The following FADS2 variants were observed in gnomAD, a reference collection of about 807,000 sequenced individuals.
The protein encoded by FADS2 is fatty acid desaturase 2.
FADS2 carries 18 observed loss-of-function variants against 61.2 expected under a neutral mutation model. The observed-to-expected ratio is 0.29, with a 90% confidence interval of 0.20 to 0.44. The LOEUF (loss-of-function observed/expected upper bound fraction) is 0.44, where lower values mean the gene tolerates loss of function less well. Among genes scored for constraint, FADS2 ranks in the 20% least tolerant of loss-of-function variants. The pLI is 1.00. For synonymous variants in FADS2, 203 were observed against 223.9 expected (o/e 0.91, Z 0.83); for missense variants, 322 against 572.7 (o/e 0.56, Z 4.47).
intron 1 of FADS2, among the ~76,000 whole-genome samples, chr11:61,830,470 G>A (rs1454075934): frequency 1.3e-5 from 2 of 152,162 alleles, no homozygotes; most frequent in African/African-American, 4.8e-5. Context: ...CCAAAAATCA[G>A]TGCTCACATC....
At chr11:61,823,394 C>T (rs2067048096), upstream of FADS2, among the ~76,000 whole-genome samples, 1 of 152,204 alleles carries the variant, frequency 6.6e-6, no homozygotes, top group Non-Finnish European at 1.5e-5. Context: ...TTTCGGATCC[C>T]TTATCTGTAA....
rs781372246 is a variant in FADS2 at position 61,865,179 on chromosome 11, C to T, written c.1185C>T (p.Asn395=). The stretch of plus-strand genomic sequence containing the variant: ...TCTTCCCCACCATGCCCCGGCACAA[C>T]TTACACAAGATCGCCCCGCTGGTGA... The part of the protein sequence containing the change: ...HHLFPTMPRH[N]LHKIAPLVKS... The change falls in exon 11 of 12, where the codon AAC becomes AAT. Residue 395 remains asparagine, a synonymous_variant. Coordinates refer to ENST00000278840, the MANE Select transcript of FADS2 (RefSeq NM_004265.4). The surrounding 1 kb of genome is among the most constrained non-coding windows in gnomAD (Gnocchi z 4.1). The T allele has an allele frequency of 1.9e-6, 3 of 1,613,840 alleles. No individual in the cohort carries two copies. The East Asian group carries it at 6.7e-5, about 36-fold the overall frequency.
chr11:61,861,546 A>C, intron 7 of FADS2, among the ~76,000 whole-genome samples: 1 of 151,740 alleles, frequency 6.6e-6, no homozygotes, highest in East Asian at 1.9e-4. Flanking sequence ...TACACTGCAC[A>C]CTATTGCACC....
chr11:61,845,359 G>A (rs1283305424), intron 4 of FADS2, among the ~76,000 whole-genome samples: 4 of 152,144 alleles, frequency 2.6e-5, no homozygotes, highest in Admixed American at 1.3e-4. Flanking sequence ...GGCAGAGCAC[G>A]GCAGCTGGCT....
intron 10 of FADS2, 160 bp downstream of exon 10, chr11:61,863,946 C>T: frequency 3.2e-6 from 2 of 630,836 alleles, no homozygotes; most frequent in South Asian, 3.8e-5. Flanking sequence ...CCGCTGAGGT[C>T]AGGAGAGGGG....
Position 61,828,568 on chromosome 11 carries a change from A to C in FADS2, c.178A>C (p.Ile60Leu). ...SIQHPGGQRV[I>L]GHYAGEDATD... is the part of the protein sequence containing the mutation. ...CCAGCACCCGGGGGGCCAGCGGGTC[A>C]TCGGGCACTACGCTGGAGAAGATGC... is the stretch of plus-strand genomic sequence containing the variant. The change falls in exon 1 of 12, where the codon ATC becomes CTC. Residue 60 changes from isoleucine to leucine, a missense_variant. Around this residue, in one of 3 missense-constraint regions of FADS2, gnomAD observed 61 missense variants for 107.4 expected, o/e 0.57. Transcript: ENST00000278840. This position sits in a 1 kb window ranked among gnomAD's most constrained non-coding sequence, Gnocchi z 6.4. 1 of 1,613,950 alleles carries C rather than the reference A, an allele frequency of 6.2e-7. No homozygotes were observed. Among genetic ancestry groups the C allele is most frequent in the Non-Finnish European group, 8.5e-7 (1 of 1,179,962 alleles).
intron 1 of FADS2, among the ~76,000 whole-genome samples, chr11:61,834,478 C>A (rs564025820): frequency 6.6e-6 from 1 of 152,238 alleles, no homozygotes; most frequent in South Asian, 2.1e-4. Flanking sequence ...ATGCCCATTA[C>A]CCCTGGGCTC....
intron 10 of FADS2, 76 bp downstream of exon 10, chr11:61,863,862 C>A: frequency 1.7e-6 from 2 of 1,169,402 alleles, no homozygotes; most frequent in Non-Finnish European, 2.6e-6. Context: ...GGGCAGAATG[C>A]AGAATGTGGG....
intron 7 of FADS2, among the ~76,000 whole-genome samples, chr11:61,860,474 C>A (rs1428100854): frequency 2.0e-5 from 3 of 152,266 alleles, no homozygotes; most frequent in South Asian, 2.1e-4. Flanking sequence ...TGGCCACTCC[C>A]TCTTGCAGTT....
At chr11:61,862,669 C>T (rs766494593) in intron 7 of FADS2, 90 of 389,856 alleles carry the variant, frequency 2.3e-4, no homozygotes, top group African/African-American at 7.0e-4. Flanking sequence ...CCTTGCCCCA[C>T]GAGAGGGCTG....
chr11:61,821,083 T>C (rs1050137084), intron 1 of FADS2, among the ~76,000 whole-genome samples: 2 of 152,198 alleles, frequency 1.3e-5, no homozygotes, highest in Admixed American at 6.5e-5. Context: ...AAAGGAAACC[T>C]TTGCCTTGCA....
intron 1 of FADS2, among the ~76,000 whole-genome samples, chr11:61,830,102 C>T (rs538692293): frequency 9.1e-4 from 139 of 152,318 alleles, no homozygotes; most frequent in African/African-American, 3.2e-3. Flanking sequence ...TGGACCTTTA[C>T]GCGGCCCAGT....
At chr11:61,823,708 G>C (rs2067049549), upstream of FADS2, among the ~76,000 whole-genome samples, 1 of 152,020 alleles carries the variant, frequency 6.6e-6, no homozygotes, top group African/African-American at 2.4e-5. Flanking sequence ...GTACAGACAG[G>C]GTCTCACTGT....
At chr11:61,836,829 C>T (rs144712694) in intron 1 of FADS2, among the ~76,000 whole-genome samples, 187 of 152,278 alleles carry the variant, frequency 1.2e-3, no homozygotes, top group African/African-American at 4.1e-3. Flanking sequence ...CTACCAATGT[C>T]TGGAAGCTTG....
chr11:61,816,416 C>T lies in FADS2; in HGVS notation c.131C>T (p.Thr44Ile), dbSNP rs746557494. Residue 44 changes from threonine (T) to isoleucine (I), a missense_variant, in exon 1 of 12, where the codon ACC becomes ATC. By Grantham distance (89) the Thr-to-Ile change is moderately conservative. Transcript: ENST00000257261. This position sits in a 1 kb window ranked among gnomAD's most constrained non-coding sequence, Gnocchi z 7.0. ...CCCGCATCCGCAGGACACCCAATCA[C>T]CGGGCAACAGGTATGATCAGGCGCC... is the stretch of plus-strand genomic sequence containing the variant. 6.8e-5 allele frequency: 109 copies of T among 1,598,630 alleles called. 1 individual carries two copies. The highest frequency in any genetic ancestry group is 8.5e-5 in the Non-Finnish European group (100 of 1,179,816).
At chr11:61,857,665 TG>T in intron 7 of FADS2, 135 bp downstream of exon 7, 2 of 703,540 alleles carry the variant, frequency 2.8e-6, no homozygotes, top group South Asian at 3.0e-5. Flanking sequence ...CTGGGGTAGC[TG>T]CCTCTCAGGA....
upstream of FADS2, chr11:61,826,551 G>A (rs770634383): frequency 4.8e-5 from 29 of 602,134 alleles, no homozygotes; most frequent in African/African-American, 3.7e-4. Flanking sequence ...TTCCATTTCC[G>A]TCAACGTTTG....
rs1591179331 is a variant in FADS2 at position 61,857,476 on chromosome 11, C to T, written c.828C>T (p.Pro276=). The T allele has an allele frequency of 6.2e-7, 1 of 1,614,066 alleles. No individual in the cohort carries two copies. Among genetic ancestry groups the T allele is most frequent in the Non-Finnish European group, 8.5e-7 (1 of 1,179,978 alleles). ...CAGTTGGGCCGCCGCTGCTCATCCCCATGTATTTCCAGTACCAGATCATCA... is the reference window on the plus strand; with the variant it reads ...CAGTTGGGCCGCCGCTGCTCATCCCTATGTATTTCCAGTACCAGATCATCA... ...FFLIGPPLLI[P]MYFQYQIIMT... The change falls in exon 7 of 12, where the codon CCC becomes CCT. Residue 276 remains proline, a synonymous_variant. Transcript: ENST00000278840.
intron 7 of FADS2, among the ~76,000 whole-genome samples, chr11:61,857,915 G>C (rs1392031621): frequency 6.6e-6 from 1 of 152,252 alleles, no homozygotes; most frequent in Non-Finnish European, 1.5e-5. Context: ...CGTTGGCTGA[G>C]ATGACAGGTG....
Sources: gnomAD v4.1 joint callset for allele counts (sites outside exome capture counted in the v4.1 genomes callset) on GRCh38, gnomAD v4.1.1 for gene constraint, gnomAD v4.1.1 regional missense constraint, Gnocchi (gnomAD v3.1) non-coding constraint, MANE v1.5 for transcripts, NCBI Gene and HGNC (gene_info 2026-07-23, HGNC 2026-07-21) for gene names.